Variants in BACE2 observed in about 807,000 individuals in gnomAD.
The protein encoded by BACE2 is 56 kDa aspartic-like protease.
BACE2 carries 17 observed loss-of-function variants against 46.2 expected under a neutral mutation model. The ratio of observed to expected loss-of-function variants is 0.37; its 90% CI spans 0.25 to 0.55. The LOEUF (loss-of-function observed/expected upper bound fraction) is 0.55, where lower values mean the gene tolerates loss of function less well. Among genes scored for constraint, BACE2 ranks in the 20% least tolerant of loss-of-function variants. The probability of loss-of-function intolerance (pLI) is 0.82; values close to 1 mark genes in which losing one functional copy is unlikely to be tolerated. For missense variants in BACE2, 595 were observed against 698.1 expected (o/e 0.85, Z 1.66); for synonymous variants, 277 against 295.9 (o/e 0.94, Z 0.66).
chr21:41,264,193 A>T (rs1988010023), intron 8 of BACE2, among the ~76,000 whole-genome samples: 1 of 150,772 alleles, frequency 6.6e-6, no homozygotes, highest in Non-Finnish European at 1.5e-5. Context: ...TGGATTCTTT[A>T]ATTGTCTTTG....
chr21:41,174,590 G>A (rs1213680787), intron 1 of BACE2, among the ~76,000 whole-genome samples: 1 of 152,154 alleles, frequency 6.6e-6, no homozygotes, highest in African/African-American at 2.4e-5. Context: ...GACTAGAGCA[G>A]GTCAAGCATT....
chr21:41,241,328 C>G (rs74977559), intron 3 of BACE2, among the ~76,000 whole-genome samples: 7,561 of 152,234 alleles, frequency 0.05, 244 homozygotes, highest in Middle Eastern at 0.14. Context: ...AAGCCTCACC[C>G]CAGGCTCTGG....
Position 41,169,449 on chromosome 21 carries a change from G to GAAA in BACE2, c.312+890_312+892dup, listed in dbSNP as rs34570194. On this transcript the variant is annotated intron_variant, in intron 1 of 8. Coordinates refer to ENST00000330333, the MANE Select transcript of BACE2 (RefSeq NM_012105.5). ...CAAATGTTCCCAAGCACAGTGATCT[G>GAAA]AAAAAAAAAAAAAAAAAATCCCAAT... is the stretch of plus-strand genomic sequence containing the variant. Among the ~76,000 whole-genome samples, 746 of 129,822 alleles carry GAAA rather than the reference G, an allele frequency of 5.7e-3. 6 individuals carry two copies. Among genetic ancestry groups the GAAA allele is most frequent in the African/African-American group, 0.021 (711 of 34,196 alleles). 85.2% of individuals were successfully genotyped at this position (129,822 alleles called of 152,430 possible).
intron 1 of BACE2, chr21:41,177,131 A>G (rs1347961020): frequency 1.3e-5 from 2 of 152,340 alleles, no homozygotes; most frequent in African/African-American, 2.4e-5. Flanking sequence ...ATGTGATACT[A>G]TTGGGCTGTG....
At chr21:41,190,621 G>T (rs931325664) in intron 1 of BACE2, among the ~76,000 whole-genome samples, 2 of 152,186 alleles carry the variant, frequency 1.3e-5, no homozygotes, top group Non-Finnish European at 2.9e-5. Context: ...GGCAGGTTGT[G>T]ATTTTTTTTT....
At chr21:41,190,123 TC>T (rs1985515664) in intron 1 of BACE2, among the ~76,000 whole-genome samples, 1 of 152,136 alleles carries the variant, frequency 6.6e-6, no homozygotes, top group Non-Finnish European at 1.5e-5. Context: ...GACAACACCC[TC>T]ACAGACACAC....
chr21:41,268,799 G>T (rs750551212), intron 8 of BACE2, among the ~76,000 whole-genome samples: 3 of 151,956 alleles, frequency 2.0e-5, no homozygotes, highest in South Asian at 2.1e-4. Context: ...ATTTTATTGG[G>T]TTTTTTTGCA....
intron 1 of BACE2, among the ~76,000 whole-genome samples, chr21:41,212,287 CT>C (rs1568869818): frequency 6.6e-6 from 1 of 152,320 alleles, no homozygotes; most frequent in East Asian, 1.9e-4. Context: ...CTCTCACGTA[CT>C]TTTGTAAGGG....
intron 1 of BACE2, among the ~76,000 whole-genome samples, chr21:41,174,138 CCTTTTTTTTTT>C (rs1439302482): frequency 7.1e-5 from 5 of 70,650 alleles, no homozygotes; most frequent in East Asian, 5.5e-4. Context: ...TGATCAGTGG[CCTTTTTTTTTT>C]TTTTTTTTTT....
intron 2 of BACE2, 42 bp from the exon 3 acceptor site, chr21:41,237,471 A>G (rs770174856): frequency 1.5e-6 from 2 of 1,332,542 alleles, no homozygotes; most frequent in African/African-American, 3.1e-5. Context: ...AAAATAAAAT[A>G]AAATAAAATG....
Position 41,277,209 on chromosome 21 carries a change from T to G in BACE2, c.*1585T>G, listed in dbSNP as rs2088499805. The G allele has an allele frequency of 6.6e-6, 1 of 152,158 alleles. No homozygotes were observed. The highest frequency in any genetic ancestry group is 2.1e-4 in the South Asian group (1 of 4,828). The allele number at this position is 152,158 out of a possible 1,614,324, so 9.4% of individuals were successfully genotyped here. A position where few individuals can be genotyped will look rare whatever the true frequency, so the allele number is the denominator to read the frequency against. On this transcript the variant is annotated 3_prime_UTR_variant, in exon 9 of 9. Transcript: ENST00000330333. ...TGTTTCAGCCATCTGCTCTGCTCCC[T>G]GGGTCCCCGGGTCACCACCATACTG...
At chr21:41,180,373 G>T (rs1985070180) in intron 1 of BACE2, 1 of 170,388 alleles carries the variant, frequency 5.9e-6, no homozygotes, top group African/African-American at 2.4e-5. Context: ...TCTTAAGGGG[G>T]CTGCAGAAGG....
intron 4 of BACE2, 100 bp from the exon 5 acceptor site, chr21:41,243,276 T>G: frequency 2.1e-6 from 2 of 947,580 alleles, no homozygotes; most frequent in East Asian, 2.8e-5. Context: ...AAGCCCTGAT[T>G]GCAGTGAAGT....
intron 8 of BACE2, among the ~76,000 whole-genome samples, chr21:41,273,537 C>T (rs532411707): frequency 5.3e-5 from 8 of 152,318 alleles, no homozygotes; most frequent in South Asian, 2.1e-4. Context: ...CTGTTCCGCC[C>T]GGCTCTCAGG....
At chr21:41,237,482 A>G in intron 2 of BACE2, 31 bp from the exon 3 acceptor site, 1 of 1,400,734 alleles carries the variant, frequency 7.1e-7, no homozygotes, top group Non-Finnish European at 9.7e-7. Flanking sequence ...AAATAAAATG[A>G]ATACAATATG....
At chr21:41,186,837 T>C (rs1288796561) in intron 1 of BACE2, 1 of 152,228 alleles carries the variant, frequency 6.6e-6, no homozygotes, top group Non-Finnish European at 1.5e-5. Context: ...TTTAACTATA[T>C]GCAAATTAAT....
intron 7 of BACE2, among the ~76,000 whole-genome samples, chr21:41,251,764 G>A (rs1366542223): frequency 1.3e-5 from 2 of 150,800 alleles, no homozygotes; most frequent in African/African-American, 5.0e-5. Context: ...TCACACCACT[G>A]CACTGCAGCC....
At chr21:41,268,642 C>G (rs1601323390) in intron 8 of BACE2, among the ~76,000 whole-genome samples, 4 of 152,182 alleles carry the variant, frequency 2.6e-5, no homozygotes, top group Admixed American at 2.6e-4. Flanking sequence ...ACTTGGGAGG[C>G]TGAGGTGGTG....
chr21:41,236,934 A>T (rs1322843827), intron 2 of BACE2, among the ~76,000 whole-genome samples: 5 of 152,232 alleles, frequency 3.3e-5, no homozygotes, highest in Admixed American at 2.6e-4. Flanking sequence ...CTCCAGCCAC[A>T]TGTTTACACC....
Sources: allele counts gnomAD v4.1 joint callset (sites outside exome capture counted in the v4.1 genomes callset), GRCh38; gene constraint gnomAD v4.1.1; transcripts MANE v1.5; gene names NCBI Gene and HGNC (gene_info 2026-07-23, HGNC 2026-07-21).